The following PPARGC1A variants were observed in gnomAD, a reference collection of about 807,000 sequenced individuals.
PPARGC1A encodes the protein peroxisome proliferator-activated receptor gamma coactivator 1-alpha.
Under a neutral mutation model 88.7 loss-of-function variants are expected in PPARGC1A, and 25 were observed. The ratio of observed to expected loss-of-function variants is 0.28; its 90% CI spans 0.21 to 0.39. PPARGC1A has a LOEUF of 0.39. Ranked by LOEUF, PPARGC1A falls within the 10% of genes least tolerant of loss-of-function variation. PPARGC1A has a pLI of 1.00. For missense variants in PPARGC1A, 880 were observed against 968.7 expected (o/e 0.91, Z 1.22); for synonymous variants, 363 against 355.6 (o/e 1.02, Z -0.24).
chr4:24,136,559 C>T, the PPARGC1A span, among the ~76,000 whole-genome samples: 4 of 152,124 alleles, frequency 2.6e-5, no homozygotes, highest in Non-Finnish European at 5.9e-5. Context: ...GGAGAGGGGT[C>T]GCCTTCAGCA....
chr4:24,170,721 A>G, the PPARGC1A span, among the ~76,000 whole-genome samples: 1 of 152,154 alleles, frequency 6.6e-6, no homozygotes. Context: ...TCATGGTGCC[A>G]TCACAGTTTT....
At chr4:24,074,421 G>A in the PPARGC1A span, among the ~76,000 whole-genome samples, 1 of 151,964 alleles carries the variant, frequency 6.6e-6, no homozygotes, top group Admixed American at 6.5e-5. Flanking sequence ...CCTTTCTCCT[G>A]ATTCAGAATA....
chr4:23,972,392 G>T, the PPARGC1A span, among the ~76,000 whole-genome samples: 1 of 152,212 alleles, frequency 6.6e-6, no homozygotes, highest in African/African-American at 2.4e-5. Flanking sequence ...GATGGCCAAA[G>T]TATGACTTTC....
chr4:24,248,797 C>G, the PPARGC1A span, among the ~76,000 whole-genome samples: 2 of 152,170 alleles, frequency 1.3e-5, no homozygotes, highest in Non-Finnish European at 2.9e-5. Flanking sequence ...AAGTCAGGCA[C>G]AGCAGTGCCC....
chr4:24,364,059 C>A, the PPARGC1A span, among the ~76,000 whole-genome samples: 10 of 152,248 alleles, frequency 6.6e-5, no homozygotes, highest in African/African-American at 2.4e-4. Flanking sequence ...ATTAAGCTTG[C>A]CCAAAATCAC....
the PPARGC1A span, among the ~76,000 whole-genome samples, chr4:24,209,189 C>A: frequency 2.0e-5 from 3 of 152,172 alleles, no homozygotes; most frequent in Non-Finnish European, 4.4e-5. Context: ...GGTTGGCCAA[C>A]CTCAGGAGCT....
chr4:24,176,293 CT>C, the PPARGC1A span, among the ~76,000 whole-genome samples: 1 of 152,158 alleles, frequency 6.6e-6, no homozygotes, highest in African/African-American at 2.4e-5. Flanking sequence ...CCCTTTTTAG[CT>C]TGTGGGGTGT....
chr4:24,250,233 G>A, the PPARGC1A span, among the ~76,000 whole-genome samples: 1 of 152,240 alleles, frequency 6.6e-6, no homozygotes, highest in African/African-American at 2.4e-5. Context: ...CTTGCCCGGT[G>A]TGGCTGGTTA....
chr4:24,396,677 A>T, the PPARGC1A span, among the ~76,000 whole-genome samples: 2 of 151,784 alleles, frequency 1.3e-5, no homozygotes, highest in Non-Finnish European at 2.9e-5. Context: ...AACCCTAGCT[A>T]TCAGTTTAGG....
the PPARGC1A span, among the ~76,000 whole-genome samples, chr4:24,035,445 G>A: frequency 1.3e-3 from 197 of 152,082 alleles, 1 homozygote; most frequent in Non-Finnish European, 2.5e-3. Context: ...GGAGGCTGAG[G>A]CACAAGAATT....
At chr4:24,103,986 C>T in the PPARGC1A span, among the ~76,000 whole-genome samples, 37,846 of 152,000 alleles carry the variant, frequency 0.25, 5,235 homozygotes, top group Non-Finnish European at 0.3. Flanking sequence ...AGATTAAGGC[C>T]GATGAATAAA....
the PPARGC1A span, among the ~76,000 whole-genome samples, chr4:24,432,600 A>T: frequency 6.6e-6 from 1 of 152,196 alleles, no homozygotes; most frequent in Non-Finnish European, 1.5e-5. Context: ...TGGTCTAATG[A>T]GAGGTGCCCT....
intron 2 of PPARGC1A, among the ~76,000 whole-genome samples, chr4:23,838,773 C>T (rs1012792198): frequency 6.6e-6 from 1 of 152,138 alleles, no homozygotes; most frequent in Admixed American, 6.5e-5. Context: ...TGAAATACCA[C>T]GTGTGTAAAT....
chr4:24,045,152 C>G, the PPARGC1A span, among the ~76,000 whole-genome samples: 140 of 152,304 alleles, frequency 9.2e-4, no homozygotes, highest in African/African-American at 3.3e-3. Context: ...ATATCACTCA[C>G]TGCTATGTCA....
chr4:24,343,577 T>C, the PPARGC1A span, among the ~76,000 whole-genome samples: 3 of 152,200 alleles, frequency 2.0e-5, no homozygotes, highest in Admixed American at 2.0e-4. Context: ...TTCTATTGTT[T>C]ATAAATTGTA....
At chr4:24,256,459 C>T in the PPARGC1A span, among the ~76,000 whole-genome samples, 3 of 152,140 alleles carry the variant, frequency 2.0e-5, no homozygotes, top group African/African-American at 7.2e-5. Context: ...AAACAGGAGA[C>T]TTCGTGTTCT....
chr4:24,455,963 G>A, the PPARGC1A span, among the ~76,000 whole-genome samples: 1 of 152,216 alleles, frequency 6.6e-6, no homozygotes, highest in Non-Finnish European at 1.5e-5. Context: ...TTGGCAGATA[G>A]GCTGCTTTAG....
the PPARGC1A span, among the ~76,000 whole-genome samples, chr4:23,995,653 C>T: frequency 1.3e-5 from 2 of 152,138 alleles, no homozygotes; most frequent in African/African-American, 2.4e-5. Context: ...TCATTTCACC[C>T]TCCTCCATTG....
At chr4:24,027,239 G>C in the PPARGC1A span, among the ~76,000 whole-genome samples, 1 of 151,216 alleles carries the variant, frequency 6.6e-6, no homozygotes, top group African/African-American at 2.4e-5. Flanking sequence ...GTGTGTGTCT[G>C]TGTGTGTGCG....
Sources: allele counts gnomAD v4.1 joint callset (sites outside exome capture counted in the v4.1 genomes callset), GRCh38; gene constraint gnomAD v4.1.1; transcripts MANE v1.5; gene names NCBI Gene and HGNC (gene_info 2026-07-23, HGNC 2026-07-21).